The following PPA2 variants were observed in gnomAD, a reference collection of about 807,000 sequenced individuals.
PPA2 encodes inorganic pyrophosphatase 2.
PPA2 carries 48 observed loss-of-function variants against 49.5 expected under a neutral mutation model. The ratio of observed to expected loss-of-function variants is 0.97; its 90% CI spans 0.77 to 1.23. PPA2 has a LOEUF of 1.23. Among genes scored for constraint, PPA2 ranks in the 50% most tolerant of loss-of-function variants. The pLI is 0.00. For synonymous variants in PPA2, 131 were observed against 139.9 expected (o/e 0.94, Z 0.45); for missense variants, 429 against 410.1 (o/e 1.05, Z -0.40).
chr4:105,467,031 T>C (rs991449941), intron 1 of PPA2, among the ~76,000 whole-genome samples: 4 of 152,200 alleles, frequency 2.6e-5, no homozygotes, highest in Admixed American at 6.5e-5. Flanking sequence ...TCTGTTTATT[T>C]GGAGACTGCC....
chr4:105,426,604 A>T (rs1002402631), intron 6 of PPA2, among the ~76,000 whole-genome samples: 1 of 152,218 alleles, frequency 6.6e-6, no homozygotes, highest in African/African-American at 2.4e-5. Context: ...TCTGAGATCA[A>T]CCTGGGATGT....
At chr4:105,411,148 G>A (rs902562347) in intron 7 of PPA2, among the ~76,000 whole-genome samples, 3 of 152,172 alleles carry the variant, frequency 2.0e-5, no homozygotes, top group African/African-American at 4.8e-5. Context: ...AGACCCATCA[G>A]TGTGCTGTAT....
At chr4:105,388,289 C>G (rs1578804587) in intron 9 of PPA2, among the ~76,000 whole-genome samples, 2 of 151,926 alleles carry the variant, frequency 1.3e-5, no homozygotes, top group African/African-American at 4.8e-5. Context: ...TCTGTTAAAT[C>G]TGATAACCCT....
chr4:105,437,610 TAAA>T (rs1266430971), intron 6 of PPA2, among the ~76,000 whole-genome samples: 3 of 152,024 alleles, frequency 2.0e-5, no homozygotes, highest in Non-Finnish European at 4.4e-5. Flanking sequence ...CATAAAATAA[TAAA>T]ATAATAATAA....
chr4:105,428,957 T>C (rs1723667041), intron 6 of PPA2, among the ~76,000 whole-genome samples: 1 of 152,230 alleles, frequency 6.6e-6, no homozygotes, highest in Admixed American at 6.5e-5. Flanking sequence ...AAATACCTTG[T>C]GGTTTAAATT....
At chr4:105,423,138 G>A (rs1453226315) in intron 7 of PPA2, 2 of 152,078 alleles carry the variant, frequency 1.3e-5, no homozygotes, top group African/African-American at 4.8e-5. Flanking sequence ...TTATAGACTT[G>A]AGCTCATATT....
rs148492084 is a variant in PPA2 at position 105,399,093 on chromosome 4, C to A, written c.727G>T (p.Val243Leu). The change falls in exon 8 of 12, where the codon GTA becomes TTA. Residue 243 changes from valine (V) to leucine (L), a missense_variant. Coordinates refer to ENST00000341695, the MANE Select transcript of PPA2 (RefSeq NM_176869.3). ...TGGTTTTCTGGTTTTCCATCTGGTA[C>A]CTTATATAATCTAAACCAATTAAGA... ...ATLNWFRLYKVPDGKPENQFA... is the reference protein window; with the variant it reads ...ATLNWFRLYKLPDGKPENQFA... 1.2e-3 allele frequency: 2,012 copies of A among 1,611,118 alleles called. 31 individuals are homozygous for A. In the African/African-American group the frequency reaches 0.024, roughly 19 times the overall value.
intron 5 of PPA2, among the ~76,000 whole-genome samples, chr4:105,441,707 T>C (rs1471988971): frequency 2.0e-5 from 3 of 152,082 alleles, no homozygotes; most frequent in African/African-American, 7.2e-5. Flanking sequence ...AGGAAAACAG[T>C]ATTATAGAAA....
chr4:105,427,867 C>A (rs556674719), intron 6 of PPA2, among the ~76,000 whole-genome samples: 1 of 152,026 alleles, frequency 6.6e-6, no homozygotes, highest in Admixed American at 6.6e-5. Context: ...AGATACTCCT[C>A]GAGAAGAGCA....
At position 105,437,988 on chromosome 4, in the gene PPA2, C is replaced by T; in HGVS notation, c.490G>A (p.Asp164Asn). ...EKDKSTNCFGDNDPIDVCEIG... is the reference protein window; with the variant it reads ...EKDKSTNCFGNNDPIDVCEIG... ...TCGCAAACATCAATAGGATCATTAT[C>T]TCCAAAGCAGTTCGTGCTCTTATCT... is the stretch of plus-strand genomic sequence containing the variant. Residue 164 changes from aspartate to asparagine, a missense_variant, in exon 6 of 12, where the codon GAT (aspartate) becomes AAT (asparagine). Coordinates refer to ENST00000341695, the MANE Select transcript of PPA2 (RefSeq NM_176869.3). 6.2e-7 allele frequency: 1 copy of T among 1,610,138 alleles called. No individual in the cohort carries two copies. The highest frequency in any genetic ancestry group is 8.5e-7 in the Non-Finnish European group (1 of 1,179,004).
chr4:105,419,935 A>G (rs1723177805), intron 7 of PPA2, among the ~76,000 whole-genome samples: 1 of 151,140 alleles, frequency 6.6e-6, no homozygotes, highest in South Asian at 2.1e-4. Context: ...ACCATGCCAA[A>G]TAACAGCTTC....
At position 105,473,964 on chromosome 4, in the gene PPA2, G is replaced by A. The variant is rs1215146603; in HGVS notation, c.87C>T (p.Arg29=). 1 of 1,611,788 alleles carries A rather than the reference G, an allele frequency of 6.2e-7. No individual in the cohort carries two copies. The highest frequency in any genetic ancestry group is 8.5e-7 in the Non-Finnish European group (1 of 1,179,292). The change falls in exon 1 of 12, where the codon CGC becomes CGT. Residue 29 remains arginine (R), a synonymous_variant. Transcript: ENST00000341695. ...CAGTGTGGTACAGGGCCATAGCACG[G>A]CGCGACCCGGTCCCTGCACTGGTCC... ...RLGTSAGTGS[R]RAMALYHTEE...
rs562393821 is a variant in PPA2, at chr4:105,413,818, A to C, written c.655+10378T>G. On this transcript the variant is annotated intron_variant, in intron 7 of 11. Transcript: ENST00000341695. Reference sequence around the variant, plus strand: ...GAAAATAAAAACATCTTTCTGACCAAGAGGTAACAAATCTTTAAACAGGAA... The same window carrying C: ...GAAAATAAAAACATCTTTCTGACCACGAGGTAACAAATCTTTAAACAGGAA... Among the ~76,000 whole-genome samples the C allele has an allele frequency of 1.5e-4, 23 of 152,376 alleles. No homozygotes were observed. The South Asian group carries it at 4.6e-3, about 30-fold the overall frequency.
At chr4:105,453,096 T>A (rs1722735755) in intron 3 of PPA2, among the ~76,000 whole-genome samples, 1 of 152,218 alleles carries the variant, frequency 6.6e-6, no homozygotes, top group Admixed American at 6.5e-5. Context: ...TTAGACCATC[T>A]ACCAAGATAA....
At chr4:105,416,158 C>T (rs1364911208) in intron 7 of PPA2, among the ~76,000 whole-genome samples, 1 of 152,198 alleles carries the variant, frequency 6.6e-6, no homozygotes, top group Non-Finnish European at 1.5e-5. Context: ...TCTAAACATT[C>T]CATCCGCTTT....
chr4:105,425,892 T>G (rs567498485), intron 6 of PPA2, among the ~76,000 whole-genome samples: 8 of 151,924 alleles, frequency 5.3e-5, no homozygotes, highest in Non-Finnish European at 1.2e-4. Context: ...TACATAAGGG[T>G]ACGATGATAA....
chr4:105,441,747 A>C (rs940893346), intron 5 of PPA2, among the ~76,000 whole-genome samples: 10 of 152,278 alleles, frequency 6.6e-5, no homozygotes, highest in Middle Eastern at 3.4e-3. Context: ...AAAATGAATA[A>C]ATCAGAATAC....
chr4:105,413,746 T>C (rs1242391699), intron 7 of PPA2, among the ~76,000 whole-genome samples: 1 of 152,060 alleles, frequency 6.6e-6, no homozygotes, highest in African/African-American at 2.4e-5. Context: ...AAATTCCACA[T>C]AAATTCAAGA....
intron 6 of PPA2, among the ~76,000 whole-genome samples, chr4:105,427,464 C>T (rs930886850): frequency 1.3e-5 from 2 of 152,010 alleles, no homozygotes; most frequent in South Asian, 2.1e-4. Context: ...AAAAGTTAGA[C>T]GAATGGCTAA....
Sources: allele counts gnomAD v4.1 joint callset (sites outside exome capture counted in the v4.1 genomes callset), GRCh38; gene constraint gnomAD v4.1.1; transcripts MANE v1.5; gene names NCBI Gene and HGNC (gene_info 2026-07-23, HGNC 2026-07-21).